DNM3: variants seen among roughly 807,000 people sequenced by gnomAD.
The protein encoded by DNM3 is dynamin 3, also known as dynamin-3.
A neutral mutation model predicts 101.6 loss-of-function variants in DNM3; 47 were observed. That is an observed-to-expected ratio of 0.46 (90% confidence interval 0.37 to 0.59). The LOEUF (loss-of-function observed/expected upper bound fraction) is 0.59, where lower values mean the gene tolerates loss of function less well. Among genes scored for constraint, DNM3 ranks in the 20% least tolerant of loss-of-function variants. The probability of loss-of-function intolerance (pLI) is 0.00; values close to 1 mark genes in which losing one functional copy is unlikely to be tolerated. For missense variants in DNM3, 849 were observed against 1,085.7 expected (o/e 0.78, Z 3.06); for synonymous variants, 385 against 387.9 (o/e 0.99, Z 0.09).
intron 11 of DNM3, among the ~76,000 whole-genome samples, chr1:172,070,010 CA>C (rs2052029234): frequency 6.6e-6 from 1 of 152,088 alleles, no homozygotes. Context: ...AAAGGAAGGA[CA>C]GAGGGATGGA....
intron 1 of DNM3, among the ~76,000 whole-genome samples, chr1:171,859,416 G>A (rs144666211): frequency 1.3e-3 from 200 of 152,154 alleles, no homozygotes; most frequent in African/African-American, 4.7e-3. Flanking sequence ...ACTAAATTGT[G>A]AGCCTCTCGA....
At chr1:172,061,714 G>T (rs1363530603) in intron 10 of DNM3, among the ~76,000 whole-genome samples, 2 of 109,708 alleles carry the variant, frequency 1.8e-5, no homozygotes, top group African/African-American at 7.0e-5. Flanking sequence ...GGGGGGAGGG[G>T]GGAGGGATAG....
chr1:172,002,959 T>A (rs2125678170), intron 4 of DNM3, among the ~76,000 whole-genome samples: 1 of 152,114 alleles, frequency 6.6e-6, no homozygotes, highest in East Asian at 1.9e-4. Flanking sequence ...AAGACGCTGC[T>A]TGAAGAAGTT....
chr1:172,079,401 T>C (rs571913903), intron 11 of DNM3, among the ~76,000 whole-genome samples: 6 of 152,024 alleles, frequency 3.9e-5, no homozygotes, highest in Non-Finnish European at 8.8e-5. Context: ...TTTTTCTGCT[T>C]GATCGATTTG....
chr1:172,225,961 A>G (rs2061103094), intron 14 of DNM3, among the ~76,000 whole-genome samples: 1 of 152,038 alleles, frequency 6.6e-6, no homozygotes, highest in Admixed American at 6.6e-5. Context: ...TCCACCAAAT[A>G]TAGATTTATT....
At position 172,280,693 on chromosome 1, in the gene DNM3, A is replaced by G. The variant is rs564574052; in HGVS notation, c.1769+27011A>G. ...TGTTAAATGTTTAAGAAATCATCCA[A>G]AGAAATTCCAGGCTAGTAATACAAA... On this transcript the variant is annotated intron_variant, in intron 15 of 20. Transcript: ENST00000627582. Among the ~76,000 whole-genome samples, 7 of 152,368 alleles carry G rather than the reference A, an allele frequency of 4.6e-5. No homozygotes were observed. The South Asian group carries it at 8.3e-4, about 18-fold the overall frequency.
intron 2 of DNM3, chr1:171,987,291 T>G: frequency 1.0e-6 from 1 of 985,186 alleles, no homozygotes; most frequent in Non-Finnish European, 1.2e-6. Flanking sequence ...AAGAGGGGAA[T>G]GCTAACAGAA....
chr1:172,342,123 G>A (rs182145996), intron 17 of DNM3, among the ~76,000 whole-genome samples: 1 of 152,166 alleles, frequency 6.6e-6, no homozygotes, highest in Admixed American at 6.5e-5. Context: ...TGGTGGCGAG[G>A]TTGCAGAGAA....
intron 15 of DNM3, among the ~76,000 whole-genome samples, chr1:172,273,427 G>A (rs1042879945): frequency 6.6e-6 from 1 of 151,946 alleles, no homozygotes; most frequent in Non-Finnish European, 1.5e-5. Context: ...TACAAGTTTT[G>A]TAAATTAAAG....
chr1:171,932,040 C>T (rs10914006), intron 2 of DNM3, among the ~76,000 whole-genome samples: 3 of 95,298 alleles, frequency 3.1e-5, no homozygotes, highest in Non-Finnish European at 6.4e-5. Flanking sequence ...CCCTCTCCCT[C>T]TCCCCATCCC....
intron 5 of DNM3, 55 bp from the exon 6 acceptor site, chr1:172,033,050 C>A (rs1038867889): frequency 1.3e-6 from 2 of 1,578,756 alleles, no homozygotes; most frequent in Non-Finnish European, 1.7e-6. Context: ...TGAAATCTCC[C>A]TAGAATAAGC....
chr1:172,140,561 T>C (rs1385254578), intron 14 of DNM3: 1 of 152,006 alleles, frequency 6.6e-6, no homozygotes, highest in Admixed American at 6.6e-5. Flanking sequence ...TTTGATCCAG[T>C]TAACTCTGCT....
At chr1:171,857,127 A>C (rs2033693102) in intron 1 of DNM3, among the ~76,000 whole-genome samples, 1 of 152,144 alleles carries the variant, frequency 6.6e-6, no homozygotes, top group Non-Finnish European at 1.5e-5. Flanking sequence ...TTGGTACTGA[A>C]TTTAGGAAGC....
chr1:171,997,772 C>T (rs1306902806), intron 4 of DNM3, among the ~76,000 whole-genome samples: 9 of 152,098 alleles, frequency 5.9e-5, no homozygotes, highest in Admixed American at 5.9e-4. Context: ...AGCAGGTGCT[C>T]AGTACGTGTT....
intron 15 of DNM3, among the ~76,000 whole-genome samples, chr1:172,306,092 G>T (rs1482859261): frequency 1.3e-5 from 2 of 152,182 alleles, no homozygotes; most frequent in African/African-American, 4.8e-5. Flanking sequence ...AAGTCAAGTT[G>T]TCCCTGTTTG....
chr1:172,174,230 G>A (rs2059072727), intron 14 of DNM3, among the ~76,000 whole-genome samples: 1 of 151,546 alleles, frequency 6.6e-6, no homozygotes, highest in African/African-American at 2.4e-5. Context: ...AAACAAATTT[G>A]ATGGTTGAGT....
intron 14 of DNM3, among the ~76,000 whole-genome samples, chr1:172,158,445 CA>C (rs1225059685): frequency 6.6e-6 from 1 of 151,908 alleles, no homozygotes; most frequent in Non-Finnish European, 1.5e-5. Context: ...AGAACATGAG[CA>C]AAGGCACAGG....
At chr1:172,375,316 A>G (rs1473616822) in intron 17 of DNM3, among the ~76,000 whole-genome samples, 1 of 152,050 alleles carries the variant, frequency 6.6e-6, no homozygotes, top group African/African-American at 2.4e-5. Flanking sequence ...TTTTGGAAAC[A>G]CATGTTTTGT....
intron 14 of DNM3, among the ~76,000 whole-genome samples, chr1:172,203,823 T>C (rs1044651696): frequency 4.6e-5 from 7 of 152,212 alleles, no homozygotes; most frequent in African/African-American, 1.7e-4. Context: ...AATGTATAAA[T>C]TCTGATGTAA....
Sources: allele counts gnomAD v4.1 joint callset (sites outside exome capture counted in the v4.1 genomes callset), GRCh38; gene constraint gnomAD v4.1.1; transcripts MANE v1.5; gene names NCBI Gene and HGNC (gene_info 2026-07-23, HGNC 2026-07-21).